ZNF385B: variants seen among roughly 807,000 people sequenced by gnomAD.
ZNF385B encodes zinc finger protein 533.
ZNF385B carries 23 observed loss-of-function variants against 39.2 expected under a neutral mutation model. The observed-to-expected ratio is 0.59, with a 90% CI of 0.42 to 0.83. ZNF385B has a LOEUF of 0.83. Ranked by LOEUF, ZNF385B falls within the 40% of genes least tolerant of loss-of-function variation. The probability of loss-of-function intolerance (pLI) is 0.00; values close to 1 mark genes in which losing one functional copy is unlikely to be tolerated. For missense variants in ZNF385B, 552 were observed against 598.9 expected, an observed-to-expected ratio of 0.92 and a Z score of 0.82; for synonymous variants, 205 against 222.6, an observed-to-expected ratio of 0.92 and a Z score of 0.70.
At chr2:179,666,126 A>G (rs1314078702) in intron 3 of ZNF385B, among the ~76,000 whole-genome samples, 4 of 152,238 alleles carry the variant, frequency 2.6e-5, no homozygotes, top group Admixed American at 2.6e-4. Flanking sequence ...GGGAGATGAA[A>G]GCCCAAAAAG....
chr2:179,518,604 G>A lies in ZNF385B; in HGVS notation c.476C>T (p.Thr159Ile). Residue 159 changes from threonine to isoleucine, a missense_variant, in exon 5 of 10, where the codon ACA becomes ATA. Thr to Ile is a moderately conservative substitution (Grantham distance 89). Coordinates refer to ENST00000410066, the MANE Select transcript of ZNF385B (RefSeq NM_152520.6). ...DPVQKAVINH[T>I]FGVSIPPKKK... ...CTTTGGGGGAATGGATACTCCAAAT[G>A]TATGGTTAATAACCGCTTTTTGCAC... 6 of 1,605,100 alleles carry A rather than the reference G, an allele frequency of 3.7e-6. No individual in the cohort carries two copies. The highest frequency in any genetic ancestry group is 5.1e-6 in the Non-Finnish European group (6 of 1,177,038).
At chr2:179,472,456 A>G (rs1431222530) in intron 6 of ZNF385B, among the ~76,000 whole-genome samples, 1 of 152,232 alleles carries the variant, frequency 6.6e-6, no homozygotes, top group African/African-American at 2.4e-5. Context: ...TTTGCTTGTT[A>G]AATGGGCAAA....
At chr2:179,605,290 C>A (rs1574959837) in intron 3 of ZNF385B, among the ~76,000 whole-genome samples, 1 of 151,972 alleles carries the variant, frequency 6.6e-6, no homozygotes, top group African/African-American at 2.4e-5. Flanking sequence ...GATATCAAGA[C>A]ACACTGCTTC....
At chr2:179,681,051 A>G (rs1697464748) in intron 3 of ZNF385B, among the ~76,000 whole-genome samples, 1 of 151,502 alleles carries the variant, frequency 6.6e-6, no homozygotes, top group Non-Finnish European at 1.5e-5. Flanking sequence ...ATGTGAGACC[A>G]GAATAAATTA....
intron 3 of ZNF385B, among the ~76,000 whole-genome samples, chr2:179,701,514 A>G (rs1699199169): frequency 6.6e-6 from 1 of 152,226 alleles, no homozygotes; most frequent in Non-Finnish European, 1.5e-5. Context: ...AAAAGATATT[A>G]AGAAGCTTAC....
At chr2:179,504,760 T>G (rs1441122439) in intron 5 of ZNF385B, among the ~76,000 whole-genome samples, 1 of 151,714 alleles carries the variant, frequency 6.6e-6, no homozygotes, top group South Asian at 2.1e-4. Context: ...TATACATATG[T>G]AACAAACCCG....
At chr2:179,514,124 C>T (rs1295007230) in intron 5 of ZNF385B, 1 of 152,186 alleles carries the variant, frequency 6.6e-6, no homozygotes, top group Non-Finnish European at 1.5e-5. Context: ...TCTCACTGGG[C>T]TAACATCGAG....
chr2:179,520,934 T>C (rs1182930854), intron 4 of ZNF385B, among the ~76,000 whole-genome samples: 1 of 152,218 alleles, frequency 6.6e-6, no homozygotes, highest in Non-Finnish European at 1.5e-5. Flanking sequence ...AAAAAATACA[T>C]TGAAATTAAC....
At chr2:179,800,336 G>C (rs1277403627) in intron 1 of ZNF385B, among the ~76,000 whole-genome samples, 1 of 151,938 alleles carries the variant, frequency 6.6e-6, no homozygotes, top group Non-Finnish European at 1.5e-5. Context: ...GAATAAATAA[G>C]AGATTTATTT....
intron 3 of ZNF385B, among the ~76,000 whole-genome samples, chr2:179,610,685 A>G (rs1003286559): frequency 3.3e-5 from 5 of 152,146 alleles, no homozygotes; most frequent in Admixed American, 3.3e-4. Context: ...CAATCCATGA[A>G]CATGAAATAT....
chr2:179,834,183 C>A (rs1050825652), intron 1 of ZNF385B, among the ~76,000 whole-genome samples: 2 of 151,888 alleles, frequency 1.3e-5, no homozygotes, highest in East Asian at 3.9e-4. Flanking sequence ...AGCAATGATA[C>A]CCCCATCCTG....
At chr2:179,836,513 CTTTTTT>C (rs755278598) in intron 1 of ZNF385B, among the ~76,000 whole-genome samples, 1 of 124,178 alleles carries the variant, frequency 8.1e-6, no homozygotes, top group African/African-American at 3.1e-5. Flanking sequence ...CTTGCGTTTT[CTTTTTT>C]TTTTTTTTTT....
At chr2:179,562,264 T>C in intron 3 of ZNF385B, 1 of 603,018 alleles carries the variant, frequency 1.7e-6, no homozygotes, top group Non-Finnish European at 2.1e-6. Context: ...GTTGCAAAAT[T>C]AGCAAATTCT....
intron 3 of ZNF385B, among the ~76,000 whole-genome samples, chr2:179,696,386 T>A (rs532340123): frequency 7.3e-6 from 1 of 136,516 alleles, no homozygotes; most frequent in East Asian, 2.4e-4. Context: ...TTGACTCACC[T>A]CTAACCTCAC....
intron 1 of ZNF385B, among the ~76,000 whole-genome samples, chr2:179,777,258 T>C (rs183478675): frequency 6.6e-6 from 1 of 152,278 alleles, no homozygotes; most frequent in East Asian, 1.9e-4. Context: ...CAGATAAAAC[T>C]AGAATTGAAA....
At position 179,644,997 on chromosome 2, in the gene ZNF385B, T is replaced by C. The variant is rs894335768; in HGVS notation, c.299-100028A>G. 3.5e-4 allele frequency among the ~76,000 whole-genome samples: 54 copies of C among 152,346 alleles called. 1 individual carries two copies. Among genetic ancestry groups the C allele is most frequent in the Non-Finnish European group, 8.8e-5 (6 of 68,030 alleles). ...ATATACATACTATAATTTCCCATTATTATTTATTGGCAAGAGATGGCTTTA... is the reference window on the plus strand; with the variant it reads ...ATATACATACTATAATTTCCCATTACTATTTATTGGCAAGAGATGGCTTTA... On this transcript the variant is annotated intron_variant, in intron 3 of 9. Transcript: ENST00000410066.
intron 5 of ZNF385B, among the ~76,000 whole-genome samples, chr2:179,498,149 T>C (rs965730572): frequency 6.6e-6 from 1 of 152,094 alleles, no homozygotes; most frequent in Admixed American, 6.5e-5. Flanking sequence ...GGCTGATCTT[T>C]CCAGACAGAA....
intron 3 of ZNF385B, among the ~76,000 whole-genome samples, chr2:179,700,385 T>C: frequency 6.6e-6 from 1 of 152,328 alleles, no homozygotes; most frequent in South Asian, 2.1e-4. Context: ...TATACCATAT[T>C]CATTCACTCT....
chr2:179,823,690 G>A (rs1707526305), intron 1 of ZNF385B, among the ~76,000 whole-genome samples: 1 of 151,954 alleles, frequency 6.6e-6, no homozygotes, highest in Admixed American at 6.6e-5. Context: ...GAATAATTTT[G>A]ACAGAGGCAT....
Sources: gnomAD v4.1 joint callset for allele counts (sites outside exome capture counted in the v4.1 genomes callset) on GRCh38, gnomAD v4.1.1 for gene constraint, MANE v1.5 for transcripts, NCBI Gene and HGNC (gene_info 2026-07-23, HGNC 2026-07-21) for gene names.